Variants in ESRRG observed in about 807,000 individuals in gnomAD.
ESRRG encodes the protein estrogen-related receptor gamma.
In ESRRG, 13 loss-of-function variants were observed where a neutral mutation model predicts 44.0. That is an observed-to-expected ratio of 0.30 (90% CI 0.19 to 0.47). The LOEUF is 0.47. Ranked by LOEUF, ESRRG falls within the 20% of genes least tolerant of loss-of-function variation. ESRRG has a pLI of 1.00. For synonymous variants in ESRRG, 215 were observed against 214.6 expected, an observed-to-expected ratio of 1.00 and a Z score of -0.02; for missense variants, 395 against 580.6, an observed-to-expected ratio of 0.68 and a Z score of 3.29.
At chr1:217,103,987 C>A (rs1387861505) in intron 1 of ESRRG, among the ~76,000 whole-genome samples, 1 of 152,156 alleles carries the variant, frequency 6.6e-6, no homozygotes, top group East Asian at 1.9e-4. Context: ...ATCAACCTCA[C>A]TTGGCTTATT....
At chr1:216,515,241 A>G (rs1300968732) in intron 6 of ESRRG, among the ~76,000 whole-genome samples, 5 of 152,026 alleles carry the variant, frequency 3.3e-5, no homozygotes, top group Non-Finnish European at 5.9e-5. Context: ...TATAATATAT[A>G]TATGCATGGA....
At chr1:216,996,525 A>T (rs1456673616) in intron 1 of ESRRG, among the ~76,000 whole-genome samples, 1 of 152,150 alleles carries the variant, frequency 6.6e-6, no homozygotes, top group African/African-American at 2.4e-5. Flanking sequence ...CCTTATTTTG[A>T]AAGTTAAATA....
intron 2 of ESRRG, among the ~76,000 whole-genome samples, chr1:216,764,703 C>T (rs1213909493): frequency 6.6e-6 from 1 of 152,004 alleles, no homozygotes; most frequent in African/African-American, 2.4e-5. Flanking sequence ...ATATTTTCTA[C>T]TAGAAAGAAA....
rs1241948746 is a variant in ESRRG at position 216,611,123 on chromosome 1, A to T, written c.589+39850T>A. On this transcript the variant is annotated intron_variant, in intron 3 of 6. Transcript: ENST00000408911. ...GAGGCTGAGGCAGGAGAGTCTCTTG[A>T]ACCCGGGAGGTGGAGGTTGCAGTGA... Among the ~76,000 whole-genome samples the T allele has an allele frequency of 2.0e-5, 3 of 149,622 alleles. No homozygotes were observed. The Admixed American group carries it at 2.0e-4, about 10-fold the overall frequency.
intron 2 of ESRRG, among the ~76,000 whole-genome samples, chr1:216,845,080 C>T (rs2095719721): frequency 6.6e-6 from 1 of 152,102 alleles, no homozygotes; most frequent in Non-Finnish European, 1.5e-5. Flanking sequence ...TATTGTCTTA[C>T]TATTTTTTAG....
chr1:216,743,074 G>A (rs2090956769), intron 2 of ESRRG, among the ~76,000 whole-genome samples: 1 of 152,160 alleles, frequency 6.6e-6, no homozygotes, highest in Admixed American at 6.5e-5. Context: ...TTCTGTCAAA[G>A]TCACTGTGTC....
At chr1:216,667,226 TAA>T (rs930502118) in intron 2 of ESRRG, among the ~76,000 whole-genome samples, 7 of 152,290 alleles carry the variant, frequency 4.6e-5, no homozygotes, top group East Asian at 1.9e-4. Flanking sequence ...GAAAAATAAA[TAA>T]GAGTACATGC....
chr1:217,121,121 C>CACACACACACACAA (rs2092812707), intron 1 of ESRRG, among the ~76,000 whole-genome samples: 2 of 27,906 alleles, frequency 7.2e-5, no homozygotes, highest in South Asian at 2.9e-3. Context: ...TTGAAGAATA[C>CACACACACACACAA]ACACACACAC....
chr1:216,640,923 T>A (rs910769520), intron 3 of ESRRG, among the ~76,000 whole-genome samples: 3 of 152,202 alleles, frequency 2.0e-5, no homozygotes, highest in Admixed American at 6.5e-5. Context: ...CTTACCAGGC[T>A]GGCCTTCTAG....
chr1:216,941,856 AT>A (rs1167156870), intron 1 of ESRRG, among the ~76,000 whole-genome samples: 28 of 151,962 alleles, frequency 1.8e-4, no homozygotes, highest in Admixed American at 1.8e-3. Flanking sequence ...TATTTATCTC[AT>A]TTTTTCCCTT....
At chr1:216,761,944 C>T (rs894942701) in intron 2 of ESRRG, among the ~76,000 whole-genome samples, 17 of 152,206 alleles carry the variant, frequency 1.1e-4, no homozygotes, top group Admixed American at 6.5e-4. Context: ...TCAAGTACTA[C>T]GATAATGGTA....
intron 2 of ESRRG, among the ~76,000 whole-genome samples, chr1:216,776,330 A>T (rs1244732769): frequency 4.6e-5 from 7 of 151,996 alleles, no homozygotes; most frequent in African/African-American, 1.7e-4. Flanking sequence ...ATTTTCCCTG[A>T]CTTAACCTAG....
intron 2 of ESRRG, among the ~76,000 whole-genome samples, chr1:216,741,865 A>G (rs976887134): frequency 6.6e-6 from 1 of 151,960 alleles, no homozygotes; most frequent in African/African-American, 2.4e-5. Context: ...ATTGGTTCTC[A>G]CTCTAAATCA....
At chr1:216,858,628 G>A (rs2095996577) in intron 2 of ESRRG, among the ~76,000 whole-genome samples, 1 of 152,074 alleles carries the variant, frequency 6.6e-6, no homozygotes, top group Admixed American at 6.6e-5. Context: ...TTCACATTTG[G>A]CATTTTATTG....
At chr1:217,062,802 T>C (rs754414878) in intron 1 of ESRRG, among the ~76,000 whole-genome samples, 1 of 152,196 alleles carries the variant, frequency 6.6e-6, no homozygotes, top group Non-Finnish European at 1.5e-5. Flanking sequence ...TCAAACACTT[T>C]TACGGCTTGG....
intron 2 of ESRRG, among the ~76,000 whole-genome samples, chr1:216,814,927 G>A (rs1559740598): frequency 6.6e-6 from 1 of 152,186 alleles, no homozygotes; most frequent in South Asian, 2.1e-4. Context: ...TTTCAAAGAT[G>A]TTCAGCACCA....
chr1:216,652,191 G>C (rs759311508), intron 2 of ESRRG, among the ~76,000 whole-genome samples: 2 of 152,110 alleles, frequency 1.3e-5, no homozygotes, highest in East Asian at 1.9e-4. Flanking sequence ...CAATTTTGCT[G>C]CTCCATGTTT....
At chr1:216,508,469 G>C (rs1394855673) in intron 6 of ESRRG, among the ~76,000 whole-genome samples, 1 of 152,100 alleles carries the variant, frequency 6.6e-6, no homozygotes, top group South Asian at 2.1e-4. Context: ...CTCAATTTCT[G>C]CCTGGCAGAG....
rs1232487341 is a variant in ESRRG at position 216,781,109 on chromosome 1, C to A, written c.-13-103618G>T. On this transcript the variant is annotated intron_variant, in intron 2 of 7. Coordinates refer to the ESRRG transcript ENST00000359162. Reference sequence around the variant, plus strand: ...TTATCCAAAACAAATAAGAAATACACCTGGTTTGTGACTAATAAGTATATA... The same window carrying A: ...TTATCCAAAACAAATAAGAAATACAACTGGTTTGTGACTAATAAGTATATA... Among the ~76,000 whole-genome samples, 5 of 151,870 alleles carry A rather than the reference C, an allele frequency of 3.3e-5. No homozygotes were observed. In the East Asian group the frequency reaches 9.7e-4, roughly 29 times the overall value.
Sources: allele counts gnomAD v4.1 joint callset (sites outside exome capture counted in the v4.1 genomes callset), GRCh38; gene constraint gnomAD v4.1.1; transcripts MANE v1.5; gene names NCBI Gene and HGNC (gene_info 2026-07-23, HGNC 2026-07-21).